DLGAP2: variants seen among roughly 807,000 people sequenced by gnomAD.
The protein encoded by DLGAP2 is disks large-associated protein 2.
Under a neutral mutation model 100.3 loss-of-function variants are expected in DLGAP2, and 26 were observed. The ratio of observed to expected loss-of-function variants is 0.26; its 90% confidence interval spans 0.19 to 0.36. DLGAP2 has a LOEUF of 0.36. DLGAP2 is among the 10% of genes least tolerant of loss of function. The probability of loss-of-function intolerance (pLI) is 1.00; values close to 1 mark genes in which losing one functional copy is unlikely to be tolerated. For missense variants in DLGAP2, 1,858 were observed against 1,453.2 expected, an observed-to-expected ratio of 1.28 and a Z score of -4.53; for synonymous variants, 886 against 630.1, an observed-to-expected ratio of 1.41 and a Z score of -6.08.
At chr8:1,366,436 C>G (rs949345835) in intron 3 of DLGAP2, among the ~76,000 whole-genome samples, 1 of 152,174 alleles carries the variant, frequency 6.6e-6, no homozygotes, top group African/African-American at 2.4e-5. Context: ...CTCAGGGCAG[C>G]AAGAACAGAC....
rs115037791 is a variant in DLGAP2, at chr8:1,265,628, C to G, written c.106+6745C>G. 4.8e-3 allele frequency among the ~76,000 whole-genome samples: 738 copies of G among 152,274 alleles called. 3 individuals carry two copies. The highest frequency in any genetic ancestry group is 0.017 in the African/African-American group (693 of 41,562). On this transcript the variant is annotated intron_variant, in intron 3 of 14. Transcript: ENST00000637795. Reference sequence around the variant, plus strand: ...AAAGACTCCTAAGACTGAAGCCAGACAAGTACAGACACTCCCATGCCTTCT... The same window carrying G: ...AAAGACTCCTAAGACTGAAGCCAGAGAAGTACAGACACTCCCATGCCTTCT...
intron 1 of DLGAP2, among the ~76,000 whole-genome samples, chr8:802,110 A>ACGGCCTGGGGAATGGTCCACACC (rs1796175251): frequency 6.4e-5 from 2 of 31,070 alleles, no homozygotes; most frequent in African/African-American, 8.6e-5. Context: ...TGGTCCACAC[A>ACGGCCTGGGGAATGGTCCACACC]CCTCCTGGGC....
chr8:1,351,170 A>C (rs1213992486), intron 3 of DLGAP2, among the ~76,000 whole-genome samples: 9 of 20,284 alleles, frequency 4.4e-4, no homozygotes, highest in Admixed American at 6.4e-4. Flanking sequence ...GTGTGTGGAA[A>C]GGCCGTGCAG....
intron 3 of DLGAP2, among the ~76,000 whole-genome samples, chr8:1,484,153 C>T (rs145815730): frequency 1.3e-5 from 2 of 152,290 alleles, no homozygotes; most frequent in Non-Finnish European, 2.9e-5. Context: ...CAGGGCAGGC[C>T]CTCCAGGTGC....
chr8:1,074,175 A>C lies in DLGAP2; in HGVS notation c.73+166209A>C, dbSNP rs148762470. Among the ~76,000 whole-genome samples, 708 of 140,690 alleles carry C rather than the reference A, an allele frequency of 5.0e-3. 8 individuals carry two copies. The highest frequency in any genetic ancestry group is 0.022 in the African/African-American group (670 of 31,140). 92.3% of individuals were successfully genotyped at this position (140,690 alleles called of 152,430 possible). On this transcript the variant is annotated intron_variant, in intron 2 of 14. Transcript: ENST00000637795. The stretch of plus-strand genomic sequence containing the variant: ...TCACCCAGGTACATATTCAGGAGTC[A>C]CTGTAACAGAAGGGTTTGCAGCAGA...
chr8:1,171,353 T>C (rs1797124165), intron 2 of DLGAP2, among the ~76,000 whole-genome samples: 1 of 152,234 alleles, frequency 6.6e-6, no homozygotes. Context: ...AAAAAATGTA[T>C]ATTCTGTTGA....
chr8:769,640 G>C (rs997125867), intron 1 of DLGAP2, among the ~76,000 whole-genome samples: 31 of 152,106 alleles, frequency 2.0e-4, no homozygotes, highest in Non-Finnish European at 4.6e-4. Flanking sequence ...GTTGGGATTT[G>C]AGTGGCTCAG....
At chr8:1,425,819 G>A (rs566781602) in intron 3 of DLGAP2, among the ~76,000 whole-genome samples, 14 of 152,202 alleles carry the variant, frequency 9.2e-5, no homozygotes, top group East Asian at 3.9e-4. Context: ...GCCCTAGACC[G>A]AGAAACAGAG....
At chr8:779,528 A>G (rs1321510242) in intron 1 of DLGAP2, among the ~76,000 whole-genome samples, 1 of 147,796 alleles carries the variant, frequency 6.8e-6, no homozygotes, top group Non-Finnish European at 1.5e-5. Flanking sequence ...CAGTGGTGCC[A>G]TCATAGTTCA....
intron 3 of DLGAP2, among the ~76,000 whole-genome samples, chr8:1,346,453 T>A (rs983077671): frequency 1.4e-5 from 2 of 146,136 alleles, no homozygotes; most frequent in African/African-American, 5.1e-5. Flanking sequence ...ATTGCTCTCA[T>A]GGCAGCTATG....
At chr8:1,625,544 T>C (rs1585008698) in intron 6 of DLGAP2, among the ~76,000 whole-genome samples, 1 of 152,268 alleles carries the variant, frequency 6.6e-6, no homozygotes, top group African/African-American at 2.4e-5. Context: ...TATTTGCTGA[T>C]ATTGCATAAC....
At chr8:1,353,048 C>G (rs989183571) in intron 3 of DLGAP2, among the ~76,000 whole-genome samples, 26 of 152,340 alleles carry the variant, frequency 1.7e-4, no homozygotes, top group African/African-American at 5.5e-4. Context: ...ATGTCCTGAA[C>G]TGGCATGAGC....
At chr8:860,834 A>G (rs1797374889) in intron 1 of DLGAP2, among the ~76,000 whole-genome samples, 2 of 152,144 alleles carry the variant, frequency 1.3e-5, no homozygotes, top group South Asian at 4.1e-4. Flanking sequence ...AAGCAGACAA[A>G]TCATGCCGTA....
At chr8:1,635,921 G>A (rs1018404708) in intron 8 of DLGAP2, among the ~76,000 whole-genome samples, 4 of 152,182 alleles carry the variant, frequency 2.6e-5, no homozygotes, top group East Asian at 1.9e-4. Context: ...GCTGGTGATC[G>A]AGCTGAGACA....
intron 2 of DLGAP2, among the ~76,000 whole-genome samples, chr8:949,660 T>C (rs573018740): frequency 1.3e-5 from 2 of 152,344 alleles, no homozygotes; most frequent in Admixed American, 6.5e-5. Flanking sequence ...GTCCTCTTTC[T>C]CCTACATGTC....
At chr8:790,412 G>A (rs1370897840) in intron 1 of DLGAP2, among the ~76,000 whole-genome samples, 1 of 152,114 alleles carries the variant, frequency 6.6e-6, no homozygotes, top group African/African-American at 2.4e-5. Flanking sequence ...TTTTCTGGCC[G>A]CAAGTGTGAG....
chr8:1,243,348 C>T (rs75650618), intron 2 of DLGAP2, among the ~76,000 whole-genome samples: 2,174 of 152,172 alleles, frequency 0.014, 31 homozygotes, highest in South Asian at 0.069. Flanking sequence ...GTAAAGCTGC[C>T]GGTGCACATG....
intron 3 of DLGAP2, among the ~76,000 whole-genome samples, chr8:1,451,402 C>A (rs1003488188): frequency 6.6e-6 from 1 of 152,164 alleles, no homozygotes; most frequent in Non-Finnish European, 1.5e-5. Flanking sequence ...CCTGCCAGAC[C>A]TGAGGTTTGC....
rs561745472 is a variant in DLGAP2, at chr8:1,467,029, C to T, written c.107-34337C>T. 4.8e-4 allele frequency among the ~76,000 whole-genome samples: 70 copies of T among 146,058 alleles called. 1 individual carries two copies. Among genetic ancestry groups the T allele is most frequent in the Non-Finnish European group, 4.0e-4 (27 of 68,000 alleles). On this transcript the variant is annotated intron_variant, in intron 3 of 14. Transcript: ENST00000637795. ...TTCAAGAAAGTGGGGGGGATGTGGG[C>T]AGATGGGATTTTGCCGGGTGATAAA...
Sources: allele counts gnomAD v4.1 joint callset (sites outside exome capture counted in the v4.1 genomes callset), GRCh38; gene constraint gnomAD v4.1.1; transcripts MANE v1.5; gene names NCBI Gene and HGNC (gene_info 2026-07-23, HGNC 2026-07-21).